The following OSBPL10 variants were observed in gnomAD, a reference collection of about 807,000 sequenced individuals.
The protein encoded by OSBPL10 is oxysterol binding protein like 10, also known as oxysterol-binding protein-related protein 10.
A neutral mutation model predicts 81.7 loss-of-function variants in OSBPL10; 49 were observed. The observed-to-expected ratio is 0.60, with a 90% CI of 0.48 to 0.76. The LOEUF (loss-of-function observed/expected upper bound fraction) is 0.76, where lower values mean the gene tolerates loss of function less well. OSBPL10 is among the 30% of genes least tolerant of loss of function. The probability of loss-of-function intolerance (pLI) is 0.00; values close to 1 mark genes in which losing one functional copy is unlikely to be tolerated. For missense variants in OSBPL10, 923 were observed against 987.8 expected, an observed-to-expected ratio of 0.93 and a Z score of 0.88; for synonymous variants, 419 against 383.6, an observed-to-expected ratio of 1.09 and a Z score of -1.08.
At chr3:31,787,594 C>CA (rs34814978) in intron 4 of OSBPL10, among the ~76,000 whole-genome samples, 1,484 of 126,098 alleles carry the variant, frequency 0.012, 37 homozygotes, top group African/African-American at 0.038. Flanking sequence ...GACTCCGCCT[C>CA]AAAAAAAAAA....
At chr3:31,724,656 C>G (rs1231858090) in intron 6 of OSBPL10, among the ~76,000 whole-genome samples, 3 of 152,098 alleles carry the variant, frequency 2.0e-5, no homozygotes, top group Non-Finnish European at 4.4e-5. Context: ...CGAGCATAAG[C>G]TGAAATTAAT....
intron 2 of OSBPL10, among the ~76,000 whole-genome samples, chr3:32,010,662 T>G (rs944013520): frequency 6.6e-6 from 1 of 152,292 alleles, no homozygotes; most frequent in Non-Finnish European, 1.5e-5. Flanking sequence ...ACCCAGGAAG[T>G]GCAAGGGGTC....
chr3:31,933,297 TGAG>T (rs1697299120), intron 1 of OSBPL10, among the ~76,000 whole-genome samples: 1 of 152,186 alleles, frequency 6.6e-6, no homozygotes, highest in Admixed American at 6.5e-5. Context: ...AGCTGCAGAA[TGAG>T]GAGGTTAGAC....
At chr3:32,031,480 G>A (rs1259915776) in intron 2 of OSBPL10, among the ~76,000 whole-genome samples, 1 of 144,708 alleles carries the variant, frequency 6.9e-6, no homozygotes, top group Non-Finnish European at 1.5e-5. Flanking sequence ...TTTTTTTTTC[G>A]AGACAGAGTC....
intron 3 of OSBPL10, among the ~76,000 whole-genome samples, chr3:31,868,197 G>A (rs1701230791): frequency 6.6e-6 from 1 of 152,112 alleles, no homozygotes; most frequent in Non-Finnish European, 1.5e-5. Flanking sequence ...GGTCTGGGGT[G>A]ACCTTTTGAA....
chr3:31,720,616 C>T lies in OSBPL10; in HGVS notation c.1095+12641G>A, dbSNP rs115272343. On this transcript the variant is annotated intron_variant, in intron 6 of 11. Transcript: ENST00000396556. ...TGTAGGTGGGAAAATGGCCCAGAGA[C>T]GGCCAGGCGTGGTGGCTCATGCCTG... Among the ~76,000 whole-genome samples the T allele has an allele frequency of 1.1e-3, 174 of 152,080 alleles. 1 individual carries two copies. The highest frequency in any genetic ancestry group is 3.8e-3 in the African/African-American group (156 of 41,482).
At chr3:31,876,331 TA>T in intron 3 of OSBPL10, 101 bp downstream of exon 3, 1 of 1,032,570 alleles carries the variant, frequency 9.7e-7, no homozygotes. Flanking sequence ...GTGGGCAACT[TA>T]AAAAATAACA....
intron 1 of OSBPL10, among the ~76,000 whole-genome samples, chr3:31,899,110 T>C (rs2125673764): frequency 6.6e-6 from 1 of 152,082 alleles, no homozygotes; most frequent in East Asian, 1.9e-4. Context: ...GCCCAGCTAA[T>C]TTTTGTATTT....
rs376952713 is a variant in OSBPL10, at chr3:32,052,681, T to C, written n.186-6078A>G. 1.1e-4 allele frequency among the ~76,000 whole-genome samples: 17 copies of C among 152,250 alleles called. No individual in the cohort carries two copies. The South Asian group carries it at 2.3e-3, about 20-fold the overall frequency. ...ACATGGATAAAGCTGGAAACCATCATTCTCAGCAAACTAACACAGGAACAG... is the reference window on the plus strand; with the variant it reads ...ACATGGATAAAGCTGGAAACCATCACTCTCAGCAAACTAACACAGGAACAG... On this transcript the variant is annotated intron_variant and non_coding_transcript_variant, in intron 1 of 3. Coordinates refer to the OSBPL10 transcript ENST00000479173.
At chr3:32,024,492 T>G (rs1468963572) in intron 2 of OSBPL10, among the ~76,000 whole-genome samples, 1 of 147,762 alleles carries the variant, frequency 6.8e-6, no homozygotes, top group African/African-American at 2.5e-5. Flanking sequence ...TGGAATTTTT[T>G]TTTTTTTTTT....
Position 31,715,839 on chromosome 3 carries a change from A to G in OSBPL10, c.1096-13331T>C, listed in dbSNP as rs576053508. Among the ~76,000 whole-genome samples the G allele has an allele frequency of 2.6e-5, 4 of 152,278 alleles. No individual in the cohort carries two copies. The South Asian group carries it at 8.3e-4, about 32-fold the overall frequency. On this transcript the variant is annotated intron_variant, in intron 6 of 11. Coordinates refer to ENST00000396556, the MANE Select transcript of OSBPL10 (RefSeq NM_017784.5). ...GTGATGGATTTCTTCTCATCTGCGGATGGTAAATGGCCTTATTCAAAAAGA... is the reference window on the plus strand; with the variant it reads ...GTGATGGATTTCTTCTCATCTGCGGGTGGTAAATGGCCTTATTCAAAAAGA...
chr3:31,865,668 GAC>G (rs1429599943), intron 3 of OSBPL10, among the ~76,000 whole-genome samples: 1 of 152,126 alleles, frequency 6.6e-6, no homozygotes, highest in South Asian at 2.1e-4. Context: ...AACAGACTAA[GAC>G]ACAACATTTT....
chr3:31,812,818 G>GAAAGAAAGAAAGAGAA (rs1223174164), intron 4 of OSBPL10, among the ~76,000 whole-genome samples: 3 of 25,876 alleles, frequency 1.2e-4, no homozygotes, highest in East Asian at 1.6e-3. Context: ...AAGAAAGAAA[G>GAAAGAAAGAAAGAGAA]AGAAAGAAAG....
chr3:31,678,262 AGAG>A (rs1248108570), intron 8 of OSBPL10, among the ~76,000 whole-genome samples: 3 of 152,214 alleles, frequency 2.0e-5, no homozygotes, highest in African/African-American at 7.2e-5. Flanking sequence ...TGAAACGGCT[AGAG>A]ACACCAGAGG....
intron 1 of OSBPL10, among the ~76,000 whole-genome samples, chr3:31,921,742 G>A (rs1043201646): frequency 6.6e-6 from 1 of 152,204 alleles, no homozygotes; most frequent in South Asian, 2.1e-4. Flanking sequence ...GTTGAGCATA[G>A]GGACTTTCTT....
chr3:32,039,767 G>A (rs79888340), intron 2 of OSBPL10, among the ~76,000 whole-genome samples: 1 of 152,232 alleles, frequency 6.6e-6, no homozygotes, highest in East Asian at 1.9e-4. Context: ...TTTGTGTTAT[G>A]TATTCTATAA....
intron 1 of OSBPL10, among the ~76,000 whole-genome samples, chr3:31,920,274 A>G (rs1306834002): frequency 6.6e-6 from 1 of 152,212 alleles, no homozygotes; most frequent in Non-Finnish European, 1.5e-5. Context: ...GAACTGTCCA[A>G]CACAAAGAGT....
intron 1 of OSBPL10, among the ~76,000 whole-genome samples, chr3:31,930,324 C>T (rs916003848): frequency 2.6e-5 from 4 of 152,148 alleles, no homozygotes; most frequent in Non-Finnish European, 5.9e-5. Flanking sequence ...AGATTTTCAA[C>T]AGTTCAAAAC....
intron 4 of OSBPL10, among the ~76,000 whole-genome samples, chr3:31,760,414 C>T (rs949365170): frequency 6.6e-6 from 1 of 152,210 alleles, no homozygotes; most frequent in African/African-American, 2.4e-5. Context: ...CATGTATGCT[C>T]AAGCTCCCTA....
Sources: allele counts gnomAD v4.1 joint callset (sites outside exome capture counted in the v4.1 genomes callset), GRCh38; gene constraint gnomAD v4.1.1; transcripts MANE v1.5; gene names NCBI Gene and HGNC (gene_info 2026-07-23, HGNC 2026-07-21).